The following CDCA2 variants were observed in gnomAD, a reference collection of about 807,000 sequenced individuals.
CDCA2 encodes the protein cell division cycle-associated protein 2.
CDCA2 carries 44 observed loss-of-function variants against 67.0 expected under a neutral mutation model. The ratio of observed to expected loss-of-function variants is 0.66; its 90% CI spans 0.52 to 0.84. CDCA2 has a LOEUF of 0.84. CDCA2 is among the 40% of genes least tolerant of loss of function. The probability of loss-of-function intolerance (pLI) is 0.00; values close to 1 mark genes in which losing one functional copy is unlikely to be tolerated. For missense variants in CDCA2, 1,253 were observed against 1,203.2 expected, an observed-to-expected ratio of 1.04 and a Z score of -0.61; for synonymous variants, 447 against 418.7, an observed-to-expected ratio of 1.07 and a Z score of -0.82.
At chr8:25,475,127 A>G (rs537324124) in intron 7 of CDCA2, among the ~76,000 whole-genome samples, 15 of 152,256 alleles carry the variant, frequency 9.9e-5, no homozygotes, top group Non-Finnish European at 1.5e-4. Context: ...CCAAAATCCA[A>G]ACTCTGAAAA....
chr8:25,472,893 T>C (rs1312424360), intron 7 of CDCA2, among the ~76,000 whole-genome samples: 1 of 152,218 alleles, frequency 6.6e-6, no homozygotes, highest in Non-Finnish European at 1.5e-5. Context: ...TTAGTTATTT[T>C]GAAATATGTA....
chr8:25,469,222 A>T (rs1414802705), intron 6 of CDCA2, among the ~76,000 whole-genome samples: 1 of 152,146 alleles, frequency 6.6e-6, no homozygotes, highest in East Asian at 1.9e-4. Flanking sequence ...TGCTCGTCCT[A>T]TTCGTTTTAT....
intron 13 of CDCA2, among the ~76,000 whole-genome samples, chr8:25,500,238 G>T (rs1804418253): frequency 6.8e-6 from 1 of 146,600 alleles, no homozygotes; most frequent in Non-Finnish European, 1.5e-5. Flanking sequence ...CCAAAATCAT[G>T]TGAAGAGGGG....
chr8:25,485,230 A>C (rs1460881717), intron 10 of CDCA2, among the ~76,000 whole-genome samples: 1 of 150,610 alleles, frequency 6.6e-6, no homozygotes, highest in Non-Finnish European at 1.5e-5. Context: ...CATTTAACAA[A>C]ATATAGTATC....
Position 25,484,094 on chromosome 8 carries a change from G to A in CDCA2, c.1249G>A (p.Gly417Arg). The change falls in exon 10 of 15, where the codon GGA (glycine) becomes AGA (arginine). Residue 417 changes from glycine to arginine, a missense_variant. Transcript: ENST00000330560. ...GCCAGCAAATACTCCATTGCGTAAAGGAGGAACACCTGTTTGTAAAAAAGA... is the reference window on the plus strand; with the variant it reads ...GCCAGCAAATACTCCATTGCGTAAAAGAGGAACACCTGTTTGTAAAAAAGA... ...SLPANTPLRK[G>R]GTPVCKKDFS... is the part of the protein sequence containing the mutation. The A allele has an allele frequency of 6.2e-7, 1 of 1,614,210 alleles. No individual in the cohort carries two copies. The highest frequency in any genetic ancestry group is 8.5e-7 in the Non-Finnish European group (1 of 1,180,044).
intron 9 of CDCA2, 106 bp from the exon 10 acceptor site, chr8:25,483,860 C>G: frequency 9.9e-7 from 1 of 1,007,674 alleles, no homozygotes; most frequent in Non-Finnish European, 1.4e-6. Flanking sequence ...AGCTATTATA[C>G]AAATAATAGC....
intron 7 of CDCA2, among the ~76,000 whole-genome samples, chr8:25,478,370 A>AT (rs1320674598): frequency 6.6e-6 from 1 of 152,090 alleles, no homozygotes; most frequent in African/African-American, 2.4e-5. Flanking sequence ...TCCTGCCTGG[A>AT]TTTTTTTATG....
chr8:25,484,589 ATTT>A (rs35499692), intron 10 of CDCA2, among the ~76,000 whole-genome samples: 51 of 130,724 alleles, frequency 3.9e-4, no homozygotes, highest in South Asian at 1.0e-3. Flanking sequence ...GGTATAGATG[ATTT>A]TTTTTTTTTT....
intron 13 of CDCA2, among the ~76,000 whole-genome samples, chr8:25,495,669 C>T (rs1804193081): frequency 6.6e-6 from 1 of 152,130 alleles, no homozygotes; most frequent in African/African-American, 2.4e-5. Context: ...ATCCGCCCAC[C>T]TCGGCCTCCC....
chr8:25,493,018 T>C (rs183559901), intron 13 of CDCA2, among the ~76,000 whole-genome samples: 3 of 152,280 alleles, frequency 2.0e-5, no homozygotes, highest in African/African-American at 4.8e-5. Flanking sequence ...GTGGTGGAAA[T>C]GGATGTTAGA....
intron 13 of CDCA2, among the ~76,000 whole-genome samples, chr8:25,493,100 GTCATTATCA>G (rs1804077115): frequency 6.6e-6 from 1 of 152,022 alleles, no homozygotes; most frequent in African/African-American, 2.4e-5. Flanking sequence ...AAGCTTTGTG[GTCATTATCA>G]TCATTATCAT....
intron 5 of CDCA2, among the ~76,000 whole-genome samples, chr8:25,467,988 T>G (rs1802982506): frequency 6.6e-6 from 1 of 151,798 alleles, no homozygotes; most frequent in Non-Finnish European, 1.5e-5. Flanking sequence ...CATGGTGGCA[T>G]GAGCCTGTAA....
intron 13 of CDCA2, among the ~76,000 whole-genome samples, chr8:25,497,769 C>T (rs914886530): frequency 2.6e-5 from 4 of 152,062 alleles, no homozygotes; most frequent in Admixed American, 2.0e-4. Flanking sequence ...TAATCATTTC[C>T]CAATGTGTAC....
In CDCA2 at chr8:25,487,479, C is replaced by T. The variant is rs532049885; in HGVS notation, c.1533+145C>T. On this transcript the variant is annotated intron_variant, in intron 12 of 14. Coordinates refer to ENST00000330560, the MANE Select transcript of CDCA2 (RefSeq NM_152562.4). The stretch of plus-strand genomic sequence containing the variant: ...TACTTTGGCCAGGCACCGTGGTTCA[C>T]GCCTGTAATCCCAATGCTTTGGGAG... 1.5e-4 allele frequency: 88 copies of T among 594,840 alleles called. No individual in the cohort carries two copies. The East Asian group carries it at 2.0e-3, about 13-fold the overall frequency. 36.8% of individuals were successfully genotyped at this position (594,840 alleles called of 1,614,324 possible). A position where few individuals can be genotyped will look rare whatever the true frequency, so the allele number is the denominator to read the frequency against.
chr8:25,499,524 G>C (rs1325610759), intron 13 of CDCA2, among the ~76,000 whole-genome samples: 1 of 151,762 alleles, frequency 6.6e-6, no homozygotes, highest in Admixed American at 6.6e-5. Context: ...GGCTTGTCTC[G>C]AATTCCTGAG....
chr8:25,483,456 C>G lies in CDCA2; in HGVS notation c.1090C>G (p.Leu364Val). The part of the protein sequence containing the change: ...DGTHPSLISN[L>V]PNCCKEKEAE... ...GACTCATCCGAGCTTAATCTCAAATCTCCCAAACTGTTGCAAAGAGAAAGA... is the reference window on the plus strand; with the variant it reads ...GACTCATCCGAGCTTAATCTCAAATGTCCCAAACTGTTGCAAAGAGAAAGA... Residue 364 changes from leucine to valine, a missense_variant, in exon 9 of 15, where the codon CTC becomes GTC. Physicochemically the swap from Leu to Val is conservative, Grantham distance 32. Transcript: ENST00000330560. 2 of 1,611,900 alleles carry G rather than the reference C, an allele frequency of 1.2e-6. No homozygotes were observed. Among genetic ancestry groups the G allele is most frequent in the Non-Finnish European group, 1.7e-6 (2 of 1,179,000 alleles).
chr8:25,488,681 A>T lies in CDCA2; in HGVS notation c.1663A>T (p.Lys555Ter). 6.2e-7 allele frequency: 1 copy of T among 1,605,608 alleles called. No individual in the cohort carries two copies. Among genetic ancestry groups the T allele is most frequent in the Non-Finnish European group, 8.5e-7 (1 of 1,177,242 alleles). ...TKCTKRALPKKSQVLKSCRKK... is the reference protein window; with the variant it reads ...TKCTKRALPK ...GTGTACAAAGAGAGCACTTCCTAAG[A>T]AGAGTCAGGTAAGCATGTGTTTAAA... Residue 555 changes from lysine to a stop codon, truncating the protein, a stop_gained, in exon 13 of 15, where the codon AAG becomes TAG. Coordinates refer to ENST00000330560, the MANE Select transcript of CDCA2 (RefSeq NM_152562.4). LOFTEE classifies it high-confidence loss of function.
chr8:25,480,167 G>C, intron 8 of CDCA2, 43 bp downstream of exon 8: 1 of 1,497,100 alleles, frequency 6.7e-7, no homozygotes. Context: ...GAATAAAAAT[G>C]CATTTTGCTT....
At chr8:25,500,861 G>C (rs905451546) in intron 13 of CDCA2, among the ~76,000 whole-genome samples, 3 of 152,202 alleles carry the variant, frequency 2.0e-5, no homozygotes, top group Admixed American at 2.0e-4. Context: ...TTGCAGAGGA[G>C]AATGAGGTAC....
Sources: allele counts gnomAD v4.1 joint callset (sites outside exome capture counted in the v4.1 genomes callset), GRCh38; gene constraint gnomAD v4.1.1; transcripts MANE v1.5; gene names NCBI Gene and HGNC (gene_info 2026-07-23, HGNC 2026-07-21).